The following DMD variants were observed in gnomAD, a reference collection of about 807,000 sequenced individuals.
DMD encodes dystrophin, also known as mutant dystrophin.
Under a neutral mutation model 330.1 loss-of-function variants are expected in DMD, and 63 were observed. That is an observed-to-expected ratio of 0.19 (90% confidence interval 0.16 to 0.24). The LOEUF is 0.24. Among genes scored for constraint, DMD ranks in the 10% least tolerant of loss-of-function variants. DMD has a pLI of 1.00. For missense variants in DMD, 3,344 were observed against 2,684.1 expected, an observed-to-expected ratio of 1.25 and a Z score of -5.43; for synonymous variants, 1,223 against 959.8, an observed-to-expected ratio of 1.27 and a Z score of -5.07.
In DMD at chrX:31,538,066, C is replaced by A. The variant is rs1437870936; in HGVS notation, c.8218-30613G>T. Reference sequence around the variant, plus strand: ...ATGCTGGACATTGTAGGGTACCTGCCGTTGTCGCGTCTAGCCCGCACATGT... The same window carrying A: ...ATGCTGGACATTGTAGGGTACCTGCAGTTGTCGCGTCTAGCCCGCACATGT... On this transcript the variant is annotated intron_variant, in intron 55 of 78. Transcript: ENST00000357033. Among the ~76,000 whole-genome samples the A allele has an allele frequency of 2.7e-5, 3 of 111,707 alleles. No homozygotes were observed. In the East Asian group the frequency reaches 8.5e-4, roughly 31 times the overall value.
At chrX:31,835,353 C>T (rs771691189) in intron 49 of DMD, among the ~76,000 whole-genome samples, 2 of 111,840 alleles carry the variant, frequency 1.8e-5, no homozygotes, top group African/African-American at 6.5e-5. Flanking sequence ...GCATGGCTTG[C>T]TACAATGAAA....
chrX:31,228,179 C>T (rs1320137829), intron 63 of DMD, among the ~76,000 whole-genome samples: 74 of 104,106 alleles, frequency 7.1e-4, no homozygotes, highest in Non-Finnish European at 2.9e-4. Flanking sequence ...GTGGGTGCAG[C>T]GCACCAGCAT....
chrX:32,811,178 T>TTAAA lies in DMD; in HGVS notation c.531-1568_531-1567insTTTA, dbSNP rs1363211065. ...GTGAGACCTGGTCTCTACAACTTAT[T>TTAAA]AAAAAAAAAAAAAAAAAATAGCCAA... On this transcript the variant is annotated intron_variant, in intron 6 of 78. Coordinates refer to ENST00000357033, the MANE Select transcript of DMD (RefSeq NM_004006.3). Among the ~76,000 whole-genome samples, 432 of 86,499 alleles carry TTAAA rather than the reference T, an allele frequency of 5.0e-3. 3 individuals carry two copies. The highest frequency in any genetic ancestry group is 0.017 in the African/African-American group (409 of 23,811). The allele number at this position is 86,499 out of a possible 115,157, so 75.1% of individuals were successfully genotyped here. A position where few individuals can be genotyped will look rare whatever the true frequency, so the allele number is the denominator to read the frequency against.
At chrX:32,093,262 G>T (rs928780676) in intron 44 of DMD, among the ~76,000 whole-genome samples, 5 of 111,897 alleles carry the variant, frequency 4.5e-5, no homozygotes, top group Non-Finnish European at 9.4e-5. Flanking sequence ...ATCCACTGAT[G>T]GACGTTTAGG....
intron 44 of DMD, among the ~76,000 whole-genome samples, chrX:32,171,855 G>A (rs2096888904): frequency 9.0e-6 from 1 of 110,978 alleles, no homozygotes; most frequent in Admixed American, 9.6e-5. Context: ...AACATGTAAT[G>A]CATACTTAAC....
At chrX:33,310,930 C>G in intron 1 of DMD, among the ~76,000 whole-genome samples, 1 of 110,314 alleles carries the variant, frequency 9.1e-6, no homozygotes. Context: ...GTTTCATGCA[C>G]CAGAGAAAAT....
chrX:31,135,795 T>C (rs2022646415), intron 76 of DMD, among the ~76,000 whole-genome samples: 1 of 112,656 alleles, frequency 8.9e-6, no homozygotes, highest in East Asian at 2.8e-4. Context: ...TCTGTTTGTT[T>C]TGCACATTGT....
intron 44 of DMD, among the ~76,000 whole-genome samples, chrX:31,977,860 G>T (rs1333929353): frequency 9.2e-6 from 1 of 108,223 alleles, no homozygotes; most frequent in African/African-American, 3.4e-5. Flanking sequence ...CAATATCAAT[G>T]ATCTGTATTT....
intron 44 of DMD, among the ~76,000 whole-genome samples, chrX:32,034,767 T>G (rs1365945648): frequency 8.9e-6 from 1 of 111,784 alleles, no homozygotes; most frequent in Non-Finnish European, 1.9e-5. Flanking sequence ...AAGCCAGCGT[T>G]ACTGCCCAAA....
At chrX:32,559,888 T>G (rs896620096) in intron 16 of DMD, among the ~76,000 whole-genome samples, 2 of 111,465 alleles carry the variant, frequency 1.8e-5, no homozygotes, top group Non-Finnish European at 3.8e-5. Flanking sequence ...CACATAATTA[T>G]ATAATAATCA....
intron 68 of DMD, among the ~76,000 whole-genome samples, chrX:31,182,385 C>T (rs751716140): frequency 2.7e-5 from 3 of 111,652 alleles, no homozygotes; most frequent in Non-Finnish European, 5.6e-5. Context: ...CAGGAAAGAC[C>T]GTGAAAAAGG....
chrX:31,956,413 G>A, intron 45 of DMD, among the ~76,000 whole-genome samples: 1 of 111,893 alleles, frequency 8.9e-6, no homozygotes, highest in Non-Finnish European at 1.9e-5. Flanking sequence ...CGTATAGAAT[G>A]AGAAGAAGGG....
At chrX:31,772,045 A>G (rs2149235568) in intron 51 of DMD, among the ~76,000 whole-genome samples, 1 of 112,209 alleles carries the variant, frequency 8.9e-6, no homozygotes, top group Non-Finnish European at 1.9e-5. Context: ...ACAGAAGCGG[A>G]AACAAGCTCT....
chrX:31,646,585 C>T (rs1282420903), intron 54 of DMD, among the ~76,000 whole-genome samples: 1 of 111,329 alleles, frequency 9.0e-6, no homozygotes, highest in African/African-American at 3.3e-5. Context: ...TGTTGCTCTG[C>T]CAAGACCTCA....
intron 55 of DMD, among the ~76,000 whole-genome samples, chrX:31,626,884 T>C (rs942813087): frequency 1.3e-4 from 15 of 112,071 alleles, no homozygotes; most frequent in African/African-American, 4.8e-4. Context: ...ATGATTTATA[T>C]CCAAATTGTA....
chrX:32,243,476 G>C (rs186178604), intron 43 of DMD, among the ~76,000 whole-genome samples: 1 of 112,047 alleles, frequency 8.9e-6, no homozygotes, highest in Admixed American at 9.4e-5. Context: ...GATCCCCTGA[G>C]AGGAAGGACA....
chrX:33,304,462 C>T (rs2148941532), intron 1 of DMD, among the ~76,000 whole-genome samples: 1 of 110,257 alleles, frequency 9.1e-6, no homozygotes, highest in African/African-American at 3.3e-5. Context: ...CCATAAAAAC[C>T]CTAGAAGAAA....
Position 32,695,527 on chromosome X carries a change from A to G in DMD, c.960+2343T>C, listed in dbSNP as rs772303239. ...GACAAAATTAAGCGAAAAAAATTGT[A>G]TTATTAGGGCTCTGAATAACATTAA... is the stretch of plus-strand genomic sequence containing the variant. On this transcript the variant is annotated intron_variant, in intron 9 of 78. Transcript: ENST00000357033. Among the ~76,000 whole-genome samples the G allele has an allele frequency of 6.3e-5, 7 of 111,655 alleles. No individual in the cohort carries two copies. The Admixed American group carries it at 6.7e-4, about 11-fold the overall frequency.
intron 2 of DMD, among the ~76,000 whole-genome samples, chrX:33,015,312 C>A (rs2093779701): frequency 8.9e-6 from 1 of 111,858 alleles, no homozygotes; most frequent in African/African-American, 3.3e-5. Flanking sequence ...TACATATACA[C>A]CATGGAATAC....
Sources: gnomAD v4.1 joint callset for allele counts (sites outside exome capture counted in the v4.1 genomes callset) on GRCh38, gnomAD v4.1.1 for gene constraint, MANE v1.5 for transcripts, NCBI Gene and HGNC (gene_info 2026-07-23, HGNC 2026-07-21) for gene names.